KLF12: variants seen among roughly 807,000 people sequenced by gnomAD.
KLF12 encodes the protein KLF transcription factor 12, also known as Krueppel-like factor 12.
Under a neutral mutation model 37.8 loss-of-function variants are expected in KLF12, and 9 were observed. That is an observed-to-expected ratio of 0.24 (90% CI 0.14 to 0.42). KLF12 has a LOEUF of 0.42. KLF12 is among the 10% of genes least tolerant of loss of function. The pLI is 1.00. For missense variants in KLF12, 411 were observed against 516.0 expected, an observed-to-expected ratio of 0.80 and a Z score of 1.97; for synonymous variants, 208 against 202.1, an observed-to-expected ratio of 1.03 and a Z score of -0.25.
At chr13:73,929,571 T>A (rs1355126179) in intron 3 of KLF12, among the ~76,000 whole-genome samples, 1 of 152,196 alleles carries the variant, frequency 6.6e-6, no homozygotes, top group African/African-American at 2.4e-5. Context: ...ATAGTTTAAG[T>A]GGATAGAGAC....
intron 3 of KLF12, among the ~76,000 whole-genome samples, chr13:73,926,932 C>A (rs1447932689): frequency 4.5e-5 from 4 of 89,300 alleles, no homozygotes; most frequent in African/African-American, 1.2e-4. Context: ...CTCCGTGTCT[C>A]CTTTGAAAAA....
intron 1 of KLF12, among the ~76,000 whole-genome samples, chr13:73,996,531 T>C (rs1015096525): frequency 1.1e-4 from 16 of 152,258 alleles, no homozygotes; most frequent in Non-Finnish European, 1.2e-4. Flanking sequence ...GCCATAGGCA[T>C]GTTCTCATAT....
chr13:73,928,813 C>T (rs369207340), intron 3 of KLF12, among the ~76,000 whole-genome samples: 1 of 152,248 alleles, frequency 6.6e-6, no homozygotes, highest in East Asian at 1.9e-4. Flanking sequence ...GTTCCTTAAC[C>T]ATTATTAATT....
chr13:73,763,926 A>G (rs1267050311), intron 6 of KLF12, among the ~76,000 whole-genome samples: 2 of 152,142 alleles, frequency 1.3e-5, no homozygotes, highest in African/African-American at 4.8e-5. Flanking sequence ...ATATTTAACA[A>G]CATCGCCAAG....
intron 6 of KLF12, among the ~76,000 whole-genome samples, chr13:73,721,908 A>G (rs1876293071): frequency 6.6e-6 from 1 of 152,080 alleles, no homozygotes; most frequent in African/African-American, 2.4e-5. Context: ...AATGTTTTTT[A>G]AAGGCTGAGT....
At chr13:74,132,209 T>G (rs774282219) in intron 1 of KLF12, among the ~76,000 whole-genome samples, 11 of 152,194 alleles carry the variant, frequency 7.2e-5, no homozygotes, top group Non-Finnish European at 1.3e-4. Context: ...CTCCTCAAAG[T>G]GACCACTCCT....
intron 1 of KLF12, among the ~76,000 whole-genome samples, chr13:74,064,667 A>G (rs1490674604): frequency 2.0e-5 from 3 of 152,214 alleles, no homozygotes; most frequent in Non-Finnish European, 2.9e-5. Context: ...TGAAAGGTCA[A>G]TTATAAATGT....
rs141234776 is a variant in KLF12 at position 74,032,068 on chromosome 13, G to A, written c.-31-37015C>T. On this transcript the variant is annotated intron_variant, in intron 1 of 7. Coordinates refer to ENST00000377669, the MANE Select transcript of KLF12 (RefSeq NM_007249.5). ...AGAACTCTGTTCACAAGCGTACAGAGGCCTCCTCACACTAATCAAGTTCAT... is the reference window on the plus strand; with the variant it reads ...AGAACTCTGTTCACAAGCGTACAGAAGCCTCCTCACACTAATCAAGTTCAT... Among the ~76,000 whole-genome samples the A allele has an allele frequency of 9.1e-4, 139 of 152,186 alleles. 3 individuals carry two copies. In the East Asian group the frequency reaches 0.026, roughly 28 times the overall value.
chr13:73,954,372 T>C (rs1356633506), intron 2 of KLF12, among the ~76,000 whole-genome samples: 1 of 152,226 alleles, frequency 6.6e-6, no homozygotes, highest in African/African-American at 2.4e-5. Flanking sequence ...TGTAATTTTA[T>C]CTTCCTCTGA....
At chr13:74,270,939 C>T in the KLF12 span, among the ~76,000 whole-genome samples, 2 of 152,150 alleles carry the variant, frequency 1.3e-5, no homozygotes, top group African/African-American at 4.8e-5. Flanking sequence ...GTTAGAACAG[C>T]AGTCCTCAAC....
At chr13:74,058,401 G>A (rs1293037580) in intron 1 of KLF12, among the ~76,000 whole-genome samples, 12 of 143,162 alleles carry the variant, frequency 8.4e-5, no homozygotes, top group Admixed American at 7.3e-4. Context: ...CTGTCACCCA[G>A]GCTGGAGTGC....
At chr13:74,133,676 CAAA>C (rs60415171) in intron 1 of KLF12, among the ~76,000 whole-genome samples, 95 of 132,318 alleles carry the variant, frequency 7.2e-4, no homozygotes, top group Admixed American at 8.0e-4. Flanking sequence ...TTTGGGATGG[CAAA>C]AAAAAAAAAA....
At chr13:74,271,732 C>A in the KLF12 span, among the ~76,000 whole-genome samples, 9 of 152,158 alleles carry the variant, frequency 5.9e-5, no homozygotes, top group Admixed American at 5.9e-4. Context: ...TTTTCTCTCA[C>A]ATGACAAAAG....
intron 3 of KLF12, among the ~76,000 whole-genome samples, chr13:73,864,096 A>G (rs566943415): frequency 1.3e-5 from 2 of 152,280 alleles, no homozygotes; most frequent in South Asian, 4.1e-4. Context: ...ATAGGGTAAG[A>G]TAACTGGGGA....
chr13:73,740,547 G>C (rs1877898859), intron 6 of KLF12, among the ~76,000 whole-genome samples: 1 of 152,074 alleles, frequency 6.6e-6, no homozygotes, highest in Non-Finnish European at 1.5e-5. Flanking sequence ...TCACTATGTT[G>C]ACAGGCTGGT....
At chr13:74,269,394 C>A in the KLF12 span, among the ~76,000 whole-genome samples, 1 of 151,992 alleles carries the variant, frequency 6.6e-6, no homozygotes. Context: ...TAGAGCACAC[C>A]ACTATTTCAT....
At chr13:74,251,272 C>T in the KLF12 span, among the ~76,000 whole-genome samples, 2 of 152,074 alleles carry the variant, frequency 1.3e-5, no homozygotes, top group African/African-American at 2.4e-5. Flanking sequence ...CTGCCCCAGC[C>T]TCTCAAGTAG....
At chr13:73,906,181 T>C (rs1043015748) in intron 3 of KLF12, among the ~76,000 whole-genome samples, 4 of 152,248 alleles carry the variant, frequency 2.6e-5, no homozygotes, top group African/African-American at 9.6e-5. Context: ...AAATAGATTT[T>C]TTGACAGATA....
At chr13:73,974,434 C>T (rs1316076542) in intron 2 of KLF12, among the ~76,000 whole-genome samples, 1 of 152,092 alleles carries the variant, frequency 6.6e-6, no homozygotes, top group Non-Finnish European at 1.5e-5. Context: ...GACAAAGGAG[C>T]ATCGTCTACA....
Sources: gnomAD v4.1 joint callset for allele counts (sites outside exome capture counted in the v4.1 genomes callset) on GRCh38, gnomAD v4.1.1 for gene constraint, MANE v1.5 for transcripts, NCBI Gene and HGNC (gene_info 2026-07-23, HGNC 2026-07-21) for gene names.